Variants in CHRM3 observed in about 807,000 individuals in gnomAD.
CHRM3 encodes the protein muscarinic acetylcholine receptor M3.
CHRM3 carries 11 observed loss-of-function variants against 41.8 expected under a neutral mutation model. That is an observed-to-expected ratio of 0.26 (90% CI 0.17 to 0.44). The LOEUF (loss-of-function observed/expected upper bound fraction) is 0.44, where lower values mean the gene tolerates loss of function less well. Among genes scored for constraint, CHRM3 ranks in the 20% least tolerant of loss-of-function variants. CHRM3 has a pLI of 1.00. For missense variants in CHRM3, 571 were observed against 745.4 expected (o/e 0.77, Z 2.72); for synonymous variants, 297 against 301.4 (o/e 0.99, Z 0.15).
intron 1 of CHRM3, among the ~76,000 whole-genome samples, chr1:239,489,090 A>G (rs923180658): frequency 6.6e-6 from 1 of 152,202 alleles, no homozygotes; most frequent in Non-Finnish European, 1.5e-5. Flanking sequence ...AAGGCAGGAT[A>G]AAAATTGCAA....
intron 6 of CHRM3, among the ~76,000 whole-genome samples, chr1:239,855,231 C>G (rs1331760351): frequency 2.0e-5 from 3 of 152,086 alleles, no homozygotes; most frequent in Non-Finnish European, 4.4e-5. Flanking sequence ...TCAGGATAAT[C>G]ACAAAGTCAT....
intron 1 of CHRM3, among the ~76,000 whole-genome samples, chr1:239,491,690 G>T (rs1461189560): frequency 6.6e-6 from 1 of 152,182 alleles, no homozygotes; most frequent in Non-Finnish European, 1.5e-5. Flanking sequence ...ATTTCCTCTG[G>T]ATATGTGGCC....
At chr1:239,494,977 G>C (rs2148089530) in intron 2 of CHRM3, among the ~76,000 whole-genome samples, 1 of 152,108 alleles carries the variant, frequency 6.6e-6, no homozygotes, top group Non-Finnish European at 1.5e-5. Flanking sequence ...TGATATATTT[G>C]ACCTGGTTCC....
chr1:239,454,468 T>TA lies in CHRM3; in HGVS notation c.-520-38241_-520-38240insA, dbSNP rs1664778635. On this transcript the variant is annotated intron_variant, in intron 1 of 6. Coordinates refer to ENST00000676153, the MANE Select transcript of CHRM3 (RefSeq NM_001375978.1). Reference sequence around the variant, plus strand: ...TGGAAGCTCTCTGAGCCCTGTCCTTTTTTTTTTCTTTTTTTTTTATGGAGG... The same window carrying TA: ...TGGAAGCTCTCTGAGCCCTGTCCTTTATTTTTTTCTTTTTTTTTTATGGAGG... Among the ~76,000 whole-genome samples, 3 of 152,070 alleles carry TA rather than the reference T, an allele frequency of 2.0e-5. No individual in the cohort carries two copies. In the South Asian group the frequency reaches 6.2e-4, roughly 32 times the overall value.
chr1:239,872,332 C>A (rs1190990944), intron 6 of CHRM3, among the ~76,000 whole-genome samples: 1 of 152,308 alleles, frequency 6.6e-6, no homozygotes, highest in East Asian at 1.9e-4. Context: ...ACTTTAATAT[C>A]CCAGAGCTAT....
intron 3 of CHRM3, among the ~76,000 whole-genome samples, chr1:239,586,954 G>A (rs1381792065): frequency 1.3e-5 from 2 of 152,138 alleles, no homozygotes; most frequent in East Asian, 3.9e-4. Context: ...CAGGTCTTTT[G>A]GATAAAGCTG....
intron 2 of CHRM3, among the ~76,000 whole-genome samples, chr1:239,519,454 T>A (rs1205034651): frequency 6.6e-6 from 1 of 152,210 alleles, no homozygotes; most frequent in African/African-American, 2.4e-5. Flanking sequence ...ATTTCTTATT[T>A]GATAATAGAA....
chr1:239,797,840 G>A (rs141285758), intron 5 of CHRM3, among the ~76,000 whole-genome samples: 85 of 152,230 alleles, frequency 5.6e-4, no homozygotes, highest in African/African-American at 2.0e-3. Context: ...CTGAGCCCGG[G>A]AGTTAGAGGT....
At chr1:239,791,171 C>G (rs956022323) in intron 5 of CHRM3, among the ~76,000 whole-genome samples, 1 of 152,036 alleles carries the variant, frequency 6.6e-6, no homozygotes, top group Non-Finnish European at 1.5e-5. Context: ...GTGATGCAGT[C>G]TCGGCTCACT....
intron 6 of CHRM3, among the ~76,000 whole-genome samples, chr1:239,832,453 C>G (rs1195806444): frequency 6.7e-6 from 1 of 150,028 alleles, no homozygotes; most frequent in Non-Finnish European, 1.5e-5. Context: ...TCATTCCTTA[C>G]TTGACCATGC....
At chr1:239,898,295 CAG>C (rs1177936788) in intron 6 of CHRM3, 4 of 152,212 alleles carry the variant, frequency 2.6e-5, no homozygotes, top group African/African-American at 9.7e-5. Flanking sequence ...CGCCTGCTGG[CAG>C]AGAGGTCGTT....
intron 3 of CHRM3, among the ~76,000 whole-genome samples, chr1:239,586,844 GC>G (rs1024951375): frequency 1.4e-4 from 21 of 152,148 alleles, no homozygotes; most frequent in African/African-American, 5.1e-4. Context: ...CCAACTTTTT[GC>G]CTCTTCTTTC....
intron 1 of CHRM3, among the ~76,000 whole-genome samples, chr1:239,439,040 A>G (rs577954865): frequency 6.6e-6 from 1 of 152,248 alleles, no homozygotes; most frequent in South Asian, 2.1e-4. Context: ...TTCATATCCA[A>G]TTTCTTAAAT....
At chr1:239,710,885 C>G (rs1193917724) in intron 5 of CHRM3, among the ~76,000 whole-genome samples, 1 of 151,870 alleles carries the variant, frequency 6.6e-6, no homozygotes, top group Non-Finnish European at 1.5e-5. Flanking sequence ...TTCATTCATG[C>G]TATACCTCCC....
intron 1 of CHRM3, among the ~76,000 whole-genome samples, chr1:239,450,287 A>T (rs1352572210): frequency 6.6e-6 from 1 of 152,250 alleles, no homozygotes; most frequent in East Asian, 1.9e-4. Context: ...AACTGCTTGA[A>T]TCAGGGATAA....
chr1:239,905,460 C>G (rs1356809844), intron 6 of CHRM3, among the ~76,000 whole-genome samples: 1 of 152,224 alleles, frequency 6.6e-6, no homozygotes, highest in Non-Finnish European at 1.5e-5. Context: ...AATCCCAGCA[C>G]TTTTGGAGGC....
chr1:239,472,433 G>T (rs1666188766), intron 1 of CHRM3, among the ~76,000 whole-genome samples: 1 of 152,118 alleles, frequency 6.6e-6, no homozygotes, highest in African/African-American at 2.4e-5. Context: ...TTAATAGAGT[G>T]ATGTGCCATG....
At chr1:239,396,303 T>C (rs2102946574) in intron 1 of CHRM3, among the ~76,000 whole-genome samples, 1 of 152,238 alleles carries the variant, frequency 6.6e-6, no homozygotes, top group East Asian at 1.9e-4. Context: ...TGCAGAGTCT[T>C]CTTCATAAAT....
chr1:239,464,746 C>T (rs1363942250), intron 1 of CHRM3, among the ~76,000 whole-genome samples: 1 of 152,182 alleles, frequency 6.6e-6, no homozygotes, highest in Non-Finnish European at 1.5e-5. Flanking sequence ...TTTCTGCCTT[C>T]TTTCTCCTGG....
Sources: allele counts gnomAD v4.1 joint callset (sites outside exome capture counted in the v4.1 genomes callset), GRCh38; gene constraint gnomAD v4.1.1; transcripts MANE v1.5; gene names NCBI Gene and HGNC (gene_info 2026-07-23, HGNC 2026-07-21).